The following NUP107 variants were observed in gnomAD, a reference collection of about 807,000 sequenced individuals.
NUP107 encodes the protein nuclear pore complex protein Nup107.
A neutral mutation model predicts 141.0 loss-of-function variants in NUP107; 101 were observed. The observed-to-expected ratio is 0.72, with a 90% CI of 0.61 to 0.84. The LOEUF (loss-of-function observed/expected upper bound fraction) is 0.84, where lower values mean the gene tolerates loss of function less well. Among genes scored for constraint, NUP107 ranks in the 40% least tolerant of loss-of-function variants. The pLI is 0.00. For synonymous variants in NUP107, 319 were observed against 363.9 expected (o/e 0.88, Z 1.41); for missense variants, 941 against 1,102.7 (o/e 0.85, Z 2.08).
Position 68,715,658 on chromosome 12 carries a change from C to G in NUP107, c.1001C>G (p.Pro334Arg). The change falls in exon 12 of 28, where the codon CCC becomes CGC. Residue 334 changes from proline (P) to arginine (R), a missense_variant. Transcript: ENST00000229179. The part of the protein sequence containing the change: ...DPDAPIRQKM[P>R]LDDLDREDEV... Reference sequence around the variant, plus strand: ...GATGCTCCCATAAGACAGAAAATGCCCCTTGATGATCTGGATAGAGAAGAT... The same window carrying G: ...GATGCTCCCATAAGACAGAAAATGCGCCTTGATGATCTGGATAGAGAAGAT... The G allele has an allele frequency of 6.2e-7, 1 of 1,612,626 alleles. No homozygotes were observed. The highest frequency in any genetic ancestry group is 8.5e-7 in the Non-Finnish European group (1 of 1,178,902).
chr12:68,726,595 G>C lies in NUP107; in HGVS notation c.1673G>C (p.Arg558Pro). The C allele has an allele frequency of 6.2e-7, 1 of 1,611,788 alleles. No individual in the cohort carries two copies. The highest frequency in any genetic ancestry group is 1.7e-4 in the Middle Eastern group (1 of 6,054). ...RFMTHLILFF[R>P]TLGLQTKEEV... ...ATGACTCACCTTATTTTGTTTTTCC[G>C]TACTCTGGGACTACAGACCAAGGTA... The change falls in exon 19 of 28, where the codon CGT (arginine) becomes CCT (proline). Residue 558 changes from arginine (R) to proline (P), a missense_variant. Coordinates refer to ENST00000229179, the MANE Select transcript of NUP107 (RefSeq NM_020401.4).
rs769506776 is a variant in NUP107 at position 68,687,098 on chromosome 12, G to T, written c.8+25G>T. On this transcript the variant is annotated intron_variant, in intron 1 of 27. Coordinates refer to ENST00000229179, the MANE Select transcript of NUP107 (RefSeq NM_020401.4). ...GGTCAGTACTGATGGTGGCAGCTGA[G>T]CCCGAAGTCTTGCCCGTCTCGCCTG... is the stretch of plus-strand genomic sequence containing the variant. 3.7e-6 allele frequency: 6 copies of T among 1,613,806 alleles called. No individual in the cohort carries two copies. In the South Asian group the frequency reaches 6.6e-5, roughly 18 times the overall value.
chr12:68,694,131 C>T (rs879540882), intron 5 of NUP107, among the ~76,000 whole-genome samples: 1 of 152,212 alleles, frequency 6.6e-6, no homozygotes, highest in Non-Finnish European at 1.5e-5. Flanking sequence ...CTGCTCTTAA[C>T]ACTTTGGTAA....
intron 26 of NUP107, 48 bp from the exon 27 acceptor site, chr12:68,741,765 G>T: frequency 1.9e-6 from 3 of 1,555,344 alleles, no homozygotes; most frequent in African/African-American, 1.4e-5. Context: ...TTTTTGTAAG[G>T]ATCTTTAGCT....
intron 20 of NUP107, among the ~76,000 whole-genome samples, chr12:68,730,606 C>T (rs865981462): frequency 2.0e-5 from 3 of 152,090 alleles, no homozygotes; most frequent in East Asian, 3.8e-4. Context: ...ATATATTTAT[C>T]GAAAAAAATC....
At chr12:68,687,735 C>T (rs1239069425) in intron 1 of NUP107, 2 of 787,970 alleles carry the variant, frequency 2.5e-6, no homozygotes, top group African/African-American at 3.8e-5. Context: ...ATGTGACTGC[C>T]ATTGTTCTAA....
chr12:68,706,414 C>T (rs551385872), intron 8 of NUP107: 94 of 933,852 alleles, frequency 1.0e-4, no homozygotes, highest in South Asian at 6.0e-4. Flanking sequence ...ACAGCATCAT[C>T]GCTGAGGTCA....
chr12:68,688,576 G>T (rs1875617388), intron 1 of NUP107, among the ~76,000 whole-genome samples: 2 of 152,180 alleles, frequency 1.3e-5, no homozygotes, highest in Non-Finnish European at 2.9e-5. Flanking sequence ...TTTGGAGACT[G>T]CAGAAAATCT....
chr12:68,745,489 T>C lies in NUP107; in HGVS notation c.*3027T>C, dbSNP rs939441362. On this transcript the variant is annotated 3_prime_UTR_variant, in exon 28 of 28. Coordinates refer to ENST00000229179, the MANE Select transcript of NUP107 (RefSeq NM_020401.4). The stretch of plus-strand genomic sequence containing the variant: ...CCTTACTGTCGATCAAGACTGTTAC[T>C]CAAAGTTCTATCTCTTAGTCATTGC... 1 of 152,216 alleles carries C rather than the reference T, an allele frequency of 6.6e-6. No individual in the cohort carries two copies. The highest frequency in any genetic ancestry group is 2.4e-5 in the African/African-American group (1 of 41,450). The allele number at this position is 152,216 out of a possible 1,614,324, so 9.4% of individuals were successfully genotyped here.
At chr12:68,737,999 C>T (rs145084699) in intron 26 of NUP107, among the ~76,000 whole-genome samples, 1 of 152,058 alleles carries the variant, frequency 6.6e-6, no homozygotes, top group East Asian at 1.9e-4. Flanking sequence ...AAAAATTGGC[C>T]GGGCACGGTG....
intron 8 of NUP107, among the ~76,000 whole-genome samples, chr12:68,708,650 C>T (rs1324544918): frequency 6.6e-6 from 1 of 151,612 alleles, no homozygotes; most frequent in Non-Finnish European, 1.5e-5. Context: ...GATGGAGTCT[C>T]ACTCTGTCAC....
In NUP107 at chr12:68,743,293, AG is replaced by A; in HGVS notation, c.*835del. ...CAGGTGCCTGTAATCCCAGCTACTC[AG>A]GGGAGGCTGAGGCATGAGAATCTCT... is the stretch of plus-strand genomic sequence containing the variant. On this transcript the variant is annotated 3_prime_UTR_variant, in exon 28 of 28. Coordinates refer to ENST00000229179, the MANE Select transcript of NUP107 (RefSeq NM_020401.4). 6.6e-6 allele frequency: 1 copy of A among 152,366 alleles called. No individual in the cohort carries two copies. The highest frequency in any genetic ancestry group is 1.5e-5 in the Non-Finnish European group (1 of 68,132). 9.4% of individuals were successfully genotyped at this position (152,366 alleles called of 1,614,324 possible).
intron 26 of NUP107, among the ~76,000 whole-genome samples, chr12:68,737,874 C>T (rs916555624): frequency 6.6e-6 from 1 of 152,196 alleles, no homozygotes; most frequent in Non-Finnish European, 1.5e-5. Context: ...GGAACGGTGG[C>T]TCATCCCTAT....
chr12:68,707,565 C>T (rs1010826594), intron 8 of NUP107, among the ~76,000 whole-genome samples: 17 of 152,332 alleles, frequency 1.1e-4, no homozygotes, highest in African/African-American at 4.1e-4. Context: ...TGCTACTGCA[C>T]TCCAGCCTGG....
In NUP107 at chr12:68,744,506, C is replaced by T. The variant is rs191920507; in HGVS notation, c.*2044C>T. ...TCAAGCGATTCTCCTGCCTCAGCCTCCCTAGTAGCTGGGATTACAGGCGCC... is the reference window on the plus strand; with the variant it reads ...TCAAGCGATTCTCCTGCCTCAGCCTTCCTAGTAGCTGGGATTACAGGCGCC... On this transcript the variant is annotated 3_prime_UTR_variant, in exon 28 of 28. Coordinates refer to ENST00000229179, the MANE Select transcript of NUP107 (RefSeq NM_020401.4). The T allele has an allele frequency of 7.4e-3, 1,128 of 152,452 alleles. 9 individuals carry two copies. Among genetic ancestry groups the T allele is most frequent in the Admixed American group, 0.013 (196 of 15,312 alleles). The allele number at this position is 152,452 out of a possible 1,614,324, so 9.4% of individuals were successfully genotyped here.
At chr12:68,687,105 G>T (rs1875532556) in intron 1 of NUP107, 32 bp downstream of exon 1, 1 of 1,613,388 alleles carries the variant, frequency 6.2e-7, no homozygotes, top group South Asian at 1.1e-5. Context: ...TGAGCCCGAA[G>T]TCTTGCCCGT....
At chr12:68,738,383 G>A (rs986741418) in intron 26 of NUP107, among the ~76,000 whole-genome samples, 8 of 151,800 alleles carry the variant, frequency 5.3e-5, no homozygotes, top group African/African-American at 1.9e-4. Flanking sequence ...CCAGGGAGGC[G>A]GAGGTTTCAG....
intron 5 of NUP107, among the ~76,000 whole-genome samples, chr12:68,694,705 C>T (rs533863585): frequency 1.3e-5 from 2 of 152,274 alleles, no homozygotes; most frequent in East Asian, 1.9e-4. Context: ...AGTTCGAGAC[C>T]AGCCTGACCA....
chr12:68,722,557 T>C (rs1877399727), intron 17 of NUP107, among the ~76,000 whole-genome samples: 1 of 152,164 alleles, frequency 6.6e-6, no homozygotes, highest in South Asian at 2.1e-4. Context: ...AAAACCTTTA[T>C]AGTAATTTCT....
Sources: allele counts gnomAD v4.1 joint callset (sites outside exome capture counted in the v4.1 genomes callset), GRCh38; gene constraint gnomAD v4.1.1; transcripts MANE v1.5; gene names NCBI Gene and HGNC (gene_info 2026-07-23, HGNC 2026-07-21).